Variants in EYA1 observed in about 807,000 individuals in gnomAD.
The protein encoded by EYA1 is EYA transcriptional coactivator and phosphatase 1.
In EYA1, 16 loss-of-function variants were observed where a neutral mutation model predicts 82.0. The ratio of observed to expected loss-of-function variants is 0.20; its 90% CI spans 0.13 to 0.30. The LOEUF is 0.30. Among genes scored for constraint, EYA1 ranks in the 10% least tolerant of loss-of-function variants. The probability of loss-of-function intolerance (pLI) is 1.00; values close to 1 mark genes in which losing one functional copy is unlikely to be tolerated. For missense variants in EYA1, 633 were observed against 730.7 expected, an observed-to-expected ratio of 0.87 and a Z score of 1.54; for synonymous variants, 261 against 264.4, an observed-to-expected ratio of 0.99 and a Z score of 0.12.
intron 1 of EYA1, among the ~76,000 whole-genome samples, chr8:71,545,315 T>C (rs1328119761): frequency 6.6e-6 from 1 of 152,220 alleles, no homozygotes; most frequent in Non-Finnish European, 1.5e-5. Flanking sequence ...AAAACCATAA[T>C]GCAATATACT....
intron 12 of EYA1, among the ~76,000 whole-genome samples, chr8:71,222,127 C>T (rs1489686034): frequency 6.6e-6 from 1 of 152,162 alleles, no homozygotes; most frequent in Non-Finnish European, 1.5e-5. Flanking sequence ...AAATTTGCCT[C>T]AGTCTCTCTT....
intron 1 of EYA1, among the ~76,000 whole-genome samples, chr8:71,537,386 A>G (rs535227066): frequency 6.6e-6 from 1 of 152,330 alleles, no homozygotes; most frequent in East Asian, 1.9e-4. Context: ...TTAAAACTCA[A>G]CAGCATTGCT....
At chr8:71,201,937 G>T (rs1807079988) in intron 17 of EYA1, among the ~76,000 whole-genome samples, 1 of 152,150 alleles carries the variant, frequency 6.6e-6, no homozygotes, top group Admixed American at 6.6e-5. Flanking sequence ...GGGTTAGATA[G>T]TATTTCTATT....
chr8:71,222,346 T>C (rs1261028633), intron 12 of EYA1, among the ~76,000 whole-genome samples: 1 of 152,170 alleles, frequency 6.6e-6, no homozygotes, highest in East Asian at 1.9e-4. Context: ...AGAGGCAAAG[T>C]TGCGATTATC....
chr8:71,458,535 C>T (rs1808131085), intron 2 of EYA1, among the ~76,000 whole-genome samples: 1 of 151,852 alleles, frequency 6.6e-6, no homozygotes, highest in African/African-American at 2.4e-5. Context: ...ACCGAAAAGC[C>T]TACTAGGTAT....
At chr8:71,512,198 T>C (rs1390308885) in intron 2 of EYA1, among the ~76,000 whole-genome samples, 1 of 152,216 alleles carries the variant, frequency 6.6e-6, no homozygotes, top group Non-Finnish European at 1.5e-5. Flanking sequence ...AGCTTCTCCA[T>C]AATTTTTCAG....
intron 2 of EYA1, among the ~76,000 whole-genome samples, chr8:71,480,005 C>T (rs1352179534): frequency 1.3e-5 from 2 of 152,036 alleles, no homozygotes; most frequent in African/African-American, 4.8e-5. Flanking sequence ...CTTCATAATC[C>T]CTGGTATCTC....
rs771487357 is a variant in EYA1 at position 71,216,699 on chromosome 8, A to G, written c.1353T>C (p.Asn451=). 1.9e-6 allele frequency: 3 copies of G among 1,614,090 alleles called. No individual in the cohort carries two copies. Among genetic ancestry groups the G allele is most frequent in the Admixed American group, 3.3e-5 (2 of 60,002 alleles). Residue 451 remains asparagine (N), a synonymous_variant, in exon 14 of 18, where the codon AAT becomes AAC. Transcript: ENST00000340726. ...CTGGTGGTAATCACTTGCCTCCAAC[A>G]TTATTTTTGTAGGTGTTGTAGATCT... ...VKEIYNTYKN[N]VGGLLGPAKR...
At chr8:71,392,156 T>C (rs2129111814) in intron 2 of EYA1, among the ~76,000 whole-genome samples, 1 of 152,214 alleles carries the variant, frequency 6.6e-6, no homozygotes, top group East Asian at 1.9e-4. Context: ...TTTCTCTAAG[T>C]TTTAGTGGAG....
intron 2 of EYA1, among the ~76,000 whole-genome samples, chr8:71,445,114 T>G (rs1334064398): frequency 6.6e-6 from 1 of 152,200 alleles, no homozygotes; most frequent in Non-Finnish European, 1.5e-5. Flanking sequence ...TATTTTATTT[T>G]TTAGTGTGTA....
intron 2 of EYA1, among the ~76,000 whole-genome samples, chr8:71,477,389 A>G (rs1809744126): frequency 6.6e-6 from 1 of 152,138 alleles, no homozygotes; most frequent in Non-Finnish European, 1.5e-5. Context: ...AAATAATTCA[A>G]TTTTAAAATG....
chr8:71,506,025 C>T (rs1426647906), intron 2 of EYA1, among the ~76,000 whole-genome samples: 3 of 152,174 alleles, frequency 2.0e-5, no homozygotes, highest in East Asian at 1.9e-4. Flanking sequence ...GTACCTGCTT[C>T]CCCTTCTGCC....
intron 12 of EYA1, among the ~76,000 whole-genome samples, chr8:71,219,986 G>A (rs1809691367): frequency 6.6e-6 from 1 of 152,156 alleles, no homozygotes; most frequent in African/African-American, 2.4e-5. Flanking sequence ...AGATAACTGA[G>A]GGAGGGTGCA....
chr8:71,484,583 A>T lies in EYA1; in HGVS notation c.33+51161T>A, dbSNP rs561033395. ...CCTATGTTGCTGTTTGGGGTGATGC[A>T]CACACAAGAAGGATACACTGACTTC... On this transcript the variant is annotated intron_variant, in intron 2 of 18. Transcript: ENST00000643681. 1.0e-3 allele frequency among the ~76,000 whole-genome samples: 154 copies of T among 152,316 alleles called. 1 individual carries two copies. Among genetic ancestry groups the T allele is most frequent in the Non-Finnish European group, 1.9e-3 (131 of 68,038 alleles).
At chr8:71,540,068 A>G (rs1237405411) in intron 1 of EYA1, among the ~76,000 whole-genome samples, 1 of 152,146 alleles carries the variant, frequency 6.6e-6, no homozygotes, top group East Asian at 1.9e-4. Flanking sequence ...GCAATCCATA[A>G]GCCTATTAAT....
exon 2 of EYA1, chr8:71,535,756 T>C (rs1486274531): frequency 2.0e-6 from 3 of 1,522,468 alleles, no homozygotes; most frequent in Middle Eastern, 3.4e-4. Flanking sequence ...ACTGTCCATT[T>C]ATCCCCCGGG....
chr8:71,310,973 G>A (rs1320418159), intron 7 of EYA1, among the ~76,000 whole-genome samples: 2 of 152,038 alleles, frequency 1.3e-5, no homozygotes, highest in African/African-American at 4.8e-5. Flanking sequence ...CAGAGCTGAG[G>A]CTTAACCAGT....
At chr8:71,375,272 A>ATAT (rs1554572846) in intron 2 of EYA1, among the ~76,000 whole-genome samples, 2 of 151,636 alleles carry the variant, frequency 1.3e-5, no homozygotes, top group African/African-American at 4.8e-5. Context: ...ATATATATAT[A>ATAT]TAATTTTTTA....
intron 11 of EYA1, among the ~76,000 whole-genome samples, chr8:71,256,467 T>A (rs1814431898): frequency 6.6e-6 from 1 of 152,158 alleles, no homozygotes; most frequent in Admixed American, 6.5e-5. Context: ...AGTGAAGTAC[T>A]ATATGATTCC....
Sources: allele counts gnomAD v4.1 joint callset (sites outside exome capture counted in the v4.1 genomes callset), GRCh38; gene constraint gnomAD v4.1.1; transcripts MANE v1.5; gene names NCBI Gene and HGNC (gene_info 2026-07-23, HGNC 2026-07-21).